Variants in PFKL observed in about 807,000 individuals in gnomAD.
PFKL encodes the protein ATP-dependent 6-phosphofructokinase, liver type.
Under a neutral mutation model 92.1 loss-of-function variants are expected in PFKL, and 74 were observed. That is an observed-to-expected ratio of 0.80 (90% CI 0.67 to 0.97). PFKL has a LOEUF of 0.97. PFKL is among the 50% of genes least tolerant of loss of function. PFKL has a pLI of 0.00. For synonymous variants in PFKL, 494 were observed against 456.4 expected (o/e 1.08, Z -1.05); for missense variants, 1,028 against 1,116.6 (o/e 0.92, Z 1.13).
At position 44,312,206 on chromosome 21, in the gene PFKL, G is replaced by A; in HGVS notation, c.339G>A (p.Leu113=). The A allele has an allele frequency of 6.2e-7, 1 of 1,607,020 alleles. No individual in the cohort carries two copies. Among genetic ancestry groups the A allele is most frequent in the Non-Finnish European group, 8.5e-7 (1 of 1,177,338 alleles). ...TGGTCCAGCACGGCATCACCAACCT[G>A]TGCGTCATCGGCGGGGATGGCAGCC... is the stretch of plus-strand genomic sequence containing the variant. ...YNLVQHGITN[L]CVIGGDGSLT... The change falls in exon 4 of 22, where the codon CTG becomes CTA. Residue 113 remains leucine, a synonymous_variant. Transcript: ENST00000349048.
rs368551525 is a variant in PFKL at position 44,313,165 on chromosome 21, G to A, written c.593+22G>A. 9.3e-6 allele frequency: 15 copies of A among 1,610,420 alleles called. No individual in the cohort carries two copies. In the African/African-American group the frequency reaches 1.5e-4, roughly 16 times the overall value. Reference sequence around the variant, plus strand: ...AGAGGTGAGTGAGGCTGGCGCCGGCGGCCAGCCCAGGGCCCCTCCTCCCCG... The same window carrying A: ...AGAGGTGAGTGAGGCTGGCGCCGGCAGCCAGCCCAGGGCCCCTCCTCCCCG... On this transcript the variant is annotated intron_variant, in intron 5 of 21. Transcript: ENST00000349048.
chr21:44,304,759 G>A (rs1186769463), intron 1 of PFKL, among the ~76,000 whole-genome samples: 2 of 118,734 alleles, frequency 1.7e-5, no homozygotes, highest in African/African-American at 3.4e-5. Flanking sequence ...TGGGGGGCTC[G>A]GCTGTCTTTC....
intron 15 of PFKL, 90 bp downstream of exon 15, chr21:44,323,139 G>A: frequency 8.9e-7 from 1 of 1,118,396 alleles, no homozygotes; most frequent in South Asian, 1.3e-5. Flanking sequence ...AAACCCGTGT[G>A]CTGGCTGGGC....
At chr21:44,307,285 G>A (rs191655743) in intron 2 of PFKL, 1 of 985,372 alleles carries the variant, frequency 1.0e-6, no homozygotes, top group Non-Finnish European at 1.2e-6. Flanking sequence ...TACTGCCTCA[G>A]CCCCAGTCCC....
chr21:44,321,965 G>GA (rs1214573094), intron 13 of PFKL, 90 bp downstream of exon 13: 12 of 1,493,386 alleles, frequency 8.0e-6, no homozygotes, highest in Non-Finnish European at 1.1e-5. Flanking sequence ...TGCTGGAGGT[G>GA]GAGGCTGAGA....
intron 7 of PFKL, chr21:44,314,593 G>C (rs1446837734): frequency 1.3e-5 from 1 of 74,396 alleles, no homozygotes; most frequent in East Asian, 4.7e-4. Context: ...GGGAGGGATG[G>C]GGGGGTGCCT....
intron 1 of PFKL, among the ~76,000 whole-genome samples, chr21:44,302,826 G>T (rs2040814290): frequency 6.6e-6 from 1 of 152,206 alleles, no homozygotes; most frequent in African/African-American, 2.4e-5. Flanking sequence ...GTCCTGTCCT[G>T]TGTGGCTCTG....
intron 1 of PFKL, chr21:44,305,727 G>A (rs1176219688): frequency 1.7e-5 from 22 of 1,300,390 alleles, no homozygotes; most frequent in African/African-American, 1.4e-4. Context: ...GGGGGCTCTC[G>A]GGAAGAAGGT....
intron 4 of PFKL, among the ~76,000 whole-genome samples, chr21:44,312,559 C>A (rs541411160): frequency 2.3e-4 from 35 of 152,320 alleles, no homozygotes; most frequent in African/African-American, 8.2e-4. Flanking sequence ...TCACCCTACG[C>A]TGCGTAGACA....
At chr21:44,312,315 C>A (rs1602016916) in intron 4 of PFKL, 21 bp downstream of exon 4, 1 of 1,558,638 alleles carries the variant, frequency 6.4e-7, no homozygotes, top group Non-Finnish European at 8.7e-7. Flanking sequence ...GCCCGGCGCA[C>A]TGTAGGCCCT....
chr21:44,319,806 T>TG, intron 11 of PFKL: 1 of 512,780 alleles, frequency 2.0e-6, no homozygotes, highest in Non-Finnish European at 3.5e-6. Flanking sequence ...TTCCCATGCG[T>TG]GCCTCCACCC....
chr21:44,324,448 G>A, intron 16 of PFKL, 43 bp from the exon 17 acceptor site: 1 of 1,605,172 alleles, frequency 6.2e-7, no homozygotes, highest in Non-Finnish European at 8.5e-7. Context: ...CTACAGGGAA[G>A]GGTGGGCACG....
rs1426984255 is a variant in PFKL at position 44,319,917 on chromosome 21, C to T, written c.1128-167C>T. ...TGTTGTGTTGGGGGTCTCGCACCTT[C>T]TGTGGAAGGTGCCCTGCCTGGCATG... On this transcript the variant is annotated intron_variant, in intron 11 of 21. Coordinates refer to ENST00000349048, the MANE Select transcript of PFKL (RefSeq NM_002626.6). The T allele has an allele frequency of 1.1e-5, 7 of 628,920 alleles. No homozygotes were observed. In the African/African-American group the frequency reaches 1.3e-4, roughly 11 times the overall value. 39.0% of individuals were successfully genotyped at this position (628,920 alleles called of 1,614,324 possible). A position where few individuals can be genotyped will look rare whatever the true frequency, so the allele number is the denominator to read the frequency against.
intron 15 of PFKL, among the ~76,000 whole-genome samples, chr21:44,323,316 C>T (rs1044895121): frequency 3.3e-5 from 5 of 152,112 alleles, no homozygotes; most frequent in Admixed American, 6.5e-5. Context: ...CACAAGGTTC[C>T]GATTAACCCC....
Position 44,316,356 on chromosome 21 carries a change from G to C in PFKL, c.843+17G>C. On this transcript the variant is annotated intron_variant, in intron 8 of 21. Coordinates refer to ENST00000349048, the MANE Select transcript of PFKL (RefSeq NM_002626.6). ...GTGAAGGACGTGCGTGTGGGCCTGGGGGTGGCCACTGGGCACCTGCTCCTC... is the reference window on the plus strand; with the variant it reads ...GTGAAGGACGTGCGTGTGGGCCTGGCGGTGGCCACTGGGCACCTGCTCCTC... 6.2e-7 allele frequency: 1 copy of C among 1,612,426 alleles called. No homozygotes were observed. The highest frequency in any genetic ancestry group is 8.5e-7 in the Non-Finnish European group (1 of 1,179,216).
chr21:44,321,442 C>T (rs2047352095), intron 12 of PFKL: 1 of 236,552 alleles, frequency 4.2e-6, no homozygotes, highest in East Asian at 7.7e-5. Context: ...TGTGTTCCCG[C>T]CCGCAAGCCT....
rs1431466450 is a variant in PFKL at position 44,327,339 on chromosome 21, T to C, written c.*477T>C. ...CCTGTCACCTTTTCTAGAAATAAAA[T>C]CACCCTGACTGTGGGGTGCATCGGT... On this transcript the variant is annotated 3_prime_UTR_variant, in exon 22 of 22. Coordinates refer to ENST00000349048, the MANE Select transcript of PFKL (RefSeq NM_002626.6). 1 of 176,478 alleles carries C rather than the reference T, an allele frequency of 5.7e-6. No individual in the cohort carries two copies. Among genetic ancestry groups the C allele is most frequent in the African/African-American group, 2.4e-5 (1 of 42,496 alleles). 10.9% of individuals were successfully genotyped at this position (176,478 alleles called of 1,614,324 possible).
chr21:44,319,421 C>T lies in PFKL; in HGVS notation c.1127+6C>T. On this transcript the variant is annotated splice_donor_region_variant and intron_variant, in intron 11 of 21. Transcript: ENST00000349048. ...GCCACCCAGCTCCGTGGTGGGTAAGCCCCCTCAGCAGACCCCTGCACTCTT... is the reference window on the plus strand; with the variant it reads ...GCCACCCAGCTCCGTGGTGGGTAAGTCCCCTCAGCAGACCCCTGCACTCTT... 6.2e-7 allele frequency: 1 copy of T among 1,611,956 alleles called. No homozygotes were observed. Among genetic ancestry groups the T allele is most frequent in the Non-Finnish European group, 8.5e-7 (1 of 1,178,490 alleles).
intron 6 of PFKL, 88 bp from the exon 7 acceptor site, chr21:44,313,825 G>A: frequency 7.5e-7 from 1 of 1,325,910 alleles, no homozygotes; most frequent in Non-Finnish European, 1.0e-6. Flanking sequence ...CAGAGAAGCT[G>A]TGGCCCAGAG....
Sources: allele counts gnomAD v4.1 joint callset (sites outside exome capture counted in the v4.1 genomes callset), GRCh38; gene constraint gnomAD v4.1.1; transcripts MANE v1.5; gene names NCBI Gene and HGNC (gene_info 2026-07-23, HGNC 2026-07-21).